The following GSR variants were observed in gnomAD, a reference collection of about 807,000 sequenced individuals.
GSR encodes the protein glutathione-disulfide reductase, also known as glutathione reductase, mitochondrial.
A neutral mutation model predicts 56.5 loss-of-function variants in GSR; 48 were observed. The ratio of observed to expected loss-of-function variants is 0.85; its 90% CI spans 0.67 to 1.08. The LOEUF (loss-of-function observed/expected upper bound fraction) is 1.08, where lower values mean the gene tolerates loss of function less well. Among genes scored for constraint, GSR ranks in the 50% least tolerant of loss-of-function variants. GSR has a pLI of 0.00. For synonymous variants in GSR, 264 were observed against 270.8 expected, an observed-to-expected ratio of 0.97 and a Z score of 0.25; for missense variants, 694 against 703.3, an observed-to-expected ratio of 0.99 and a Z score of 0.15.
chr8:30,701,794 C>CAAA (rs34877158), intron 5 of GSR, among the ~76,000 whole-genome samples: 3 of 72,328 alleles, frequency 4.1e-5, no homozygotes, highest in African/African-American at 1.3e-4. Context: ...ATCTGTCTCA[C>CAAA]AAAAAAAAAA....
chr8:30,686,580 G>A (rs1384055172), intron 9 of GSR, among the ~76,000 whole-genome samples: 5 of 152,044 alleles, frequency 3.3e-5, no homozygotes, highest in African/African-American at 1.2e-4. Flanking sequence ...CCTACTACTT[G>A]GGAGACTAAG....
At chr8:30,686,695 A>AC (rs199848837) in intron 9 of GSR, among the ~76,000 whole-genome samples, 5 of 151,546 alleles carry the variant, frequency 3.3e-5, no homozygotes, top group Admixed American at 1.3e-4. Flanking sequence ...ACCCTATCCA[A>AC]CCCCCCCAAA....
intron 5 of GSR, 73 bp from the exon 6 acceptor site, chr8:30,700,208 C>A: frequency 9.3e-7 from 1 of 1,070,156 alleles, no homozygotes; most frequent in Non-Finnish European, 1.5e-6. Flanking sequence ...ACATTTTATG[C>A]CAAAAACCAA....
At position 30,685,338 on chromosome 8, in the gene GSR, G is replaced by A. The variant is rs541447555; in HGVS notation, c.1042-1139C>T. ...ACTTCTGGCCTCAAGTGATCCTCAC[G>A]CCTAGGTCTCCCAAAGCACTGGGGT... On this transcript the variant is annotated intron_variant, in intron 9 of 12. Coordinates refer to ENST00000221130, the MANE Select transcript of GSR (RefSeq NM_000637.5). Among the ~76,000 whole-genome samples, 140 of 152,064 alleles carry A rather than the reference G, an allele frequency of 9.2e-4. 1 individual carries two copies. The South Asian group carries it at 0.012, about 13-fold the overall frequency.
chr8:30,684,381 T>C (rs938166910), intron 9 of GSR, among the ~76,000 whole-genome samples, 182 bp from the exon 10 acceptor site: 19 of 152,106 alleles, frequency 1.2e-4, no homozygotes, highest in African/African-American at 4.1e-4. Context: ...CTGGGTACAG[T>C]GGGCCCACAC....
At chr8:30,705,314 G>A (rs1803884263) in intron 4 of GSR, among the ~76,000 whole-genome samples, 1 of 151,914 alleles carries the variant, frequency 6.6e-6, no homozygotes, top group South Asian at 2.1e-4. Flanking sequence ...CCAGGCTGGA[G>A]TGCAGTGGTG....
chr8:30,724,544 C>CTTTT (rs56145808), intron 1 of GSR, among the ~76,000 whole-genome samples: 4,152 of 84,574 alleles, frequency 0.049, 208 homozygotes, highest in East Asian at 0.066. Flanking sequence ...AACCCCCCAC[C>CTTTT]TTTTTTTTTT....
chr8:30,695,892 T>C (rs1803527896), intron 7 of GSR, among the ~76,000 whole-genome samples: 1 of 151,756 alleles, frequency 6.6e-6, no homozygotes. Context: ...ATACAAAAAT[T>C]AGTTGGGCAT....
intron 8 of GSR, among the ~76,000 whole-genome samples, chr8:30,692,268 A>C (rs192935884): frequency 7.6e-6 from 1 of 132,212 alleles, no homozygotes; most frequent in East Asian, 2.3e-4. Context: ...GCAATGGCAC[A>C]ATCTCAGCTC....
chr8:30,698,020 T>C (rs1316356624), intron 6 of GSR, among the ~76,000 whole-genome samples: 2 of 152,126 alleles, frequency 1.3e-5, no homozygotes, highest in Non-Finnish European at 2.9e-5. Flanking sequence ...GGCGGCTGAA[T>C]CCCTAAAAGA....
chr8:30,727,740 C>A lies in GSR; in HGVS notation c.96G>T (p.Glu32Asp). The change falls in exon 1 of 13, where the codon GAG becomes GAT. Residue 32 changes from glutamate (E) to aspartate (D), a missense_variant. Transcript: ENST00000221130. ...AGAGGGCGCGCGTGAGGGCCGCGGG[C>A]TCGGGCAGAAGCAGCAGGAAGCCTC... Reference protein sequence around the residue: ...AFRGFLLLLPEPAALTRALSR... With the variant: ...AFRGFLLLLPDPAALTRALSR... 2 of 1,403,014 alleles carry A rather than the reference C, an allele frequency of 1.4e-6. 1 individual carries two copies. Among genetic ancestry groups the A allele is most frequent in the South Asian group, 3.0e-5 (2 of 66,228 alleles). 86.9% of individuals were successfully genotyped at this position (1,403,014 alleles called of 1,614,324 possible).
chr8:30,714,694 A>G (rs1416650515), intron 1 of GSR, among the ~76,000 whole-genome samples: 2 of 151,696 alleles, frequency 1.3e-5, no homozygotes, highest in African/African-American at 4.8e-5. Flanking sequence ...TTAAATAAAA[A>G]TTAAAAATAC....
chr8:30,721,571 T>C (rs1804535336), intron 1 of GSR, among the ~76,000 whole-genome samples: 1 of 151,354 alleles, frequency 6.6e-6, no homozygotes, highest in African/African-American at 2.4e-5. Context: ...GAGAATCACT[T>C]GAACTTGGGA....
At chr8:30,696,787 C>G (rs757099933) in intron 6 of GSR, among the ~76,000 whole-genome samples, 13 of 152,186 alleles carry the variant, frequency 8.5e-5, no homozygotes, top group African/African-American at 1.2e-4. Flanking sequence ...CCTCAACCTC[C>G]AGGACTCAAG....
intron 12 of GSR, among the ~76,000 whole-genome samples, chr8:30,680,398 T>C (rs1398163412): frequency 6.8e-6 from 1 of 147,062 alleles, no homozygotes; most frequent in Non-Finnish European, 1.5e-5. Context: ...TTTTTTTTTT[T>C]TTTTTTTTTG....
intron 8 of GSR, among the ~76,000 whole-genome samples, chr8:30,690,158 A>ATTTATT (rs1563529889): frequency 3.6e-4 from 50 of 138,754 alleles, no homozygotes; most frequent in Non-Finnish European, 6.4e-4. Flanking sequence ...ATAAAATAAT[A>ATTTATT]TATTTATTTA....
At chr8:30,709,442 A>G (rs897370194) in intron 3 of GSR, among the ~76,000 whole-genome samples, 1 of 152,216 alleles carries the variant, frequency 6.6e-6, no homozygotes, top group Non-Finnish European at 1.5e-5. Flanking sequence ...TACACTAGAC[A>G]TAAAGGAACA....
intron 9 of GSR, among the ~76,000 whole-genome samples, chr8:30,685,805 G>C (rs1176725310): frequency 6.6e-6 from 1 of 151,808 alleles, no homozygotes. Flanking sequence ...GTGAAACCCT[G>C]TCTCTACTAA....
Position 30,700,394 on chromosome 8 carries a change from T to C in GSR, c.641-259A>G, listed in dbSNP as rs756922213. Among the ~76,000 whole-genome samples, 10 of 152,092 alleles carry C rather than the reference T, an allele frequency of 6.6e-5. 1 individual carries two copies. The highest frequency in any genetic ancestry group is 1.9e-4 in the East Asian group (1 of 5,176). Reference sequence around the variant, plus strand: ...TGAAGAATGAAGATCTCAGTGGTCATGAACAGACTCTGTTGGATCTGTTCA... The same window carrying C: ...TGAAGAATGAAGATCTCAGTGGTCACGAACAGACTCTGTTGGATCTGTTCA... On this transcript the variant is annotated intron_variant, in intron 5 of 12. Transcript: ENST00000221130.
Sources: gnomAD v4.1 joint callset for allele counts (sites outside exome capture counted in the v4.1 genomes callset) on GRCh38, gnomAD v4.1.1 for gene constraint, MANE v1.5 for transcripts, NCBI Gene and HGNC (gene_info 2026-07-23, HGNC 2026-07-21) for gene names.